Variants in MPDZ observed in about 807,000 individuals in gnomAD.
MPDZ encodes multiple PDZ domain protein.
A neutral mutation model predicts 239.1 loss-of-function variants in MPDZ; 234 were observed. The observed-to-expected ratio is 0.98, with a 90% CI of 0.88 to 1.09. MPDZ has a LOEUF of 1.09. Ranked by LOEUF, MPDZ falls within the 50% of genes least tolerant of loss-of-function variation. The pLI is 0.00. For synonymous variants in MPDZ, 1,048 were observed against 881.3 expected (o/e 1.19, Z -3.35); for missense variants, 3,175 against 2,510.0 (o/e 1.26, Z -5.66).
intron 39 of MPDZ, among the ~76,000 whole-genome samples, chr9:13,117,251 A>T (rs1943601230): frequency 6.6e-6 from 1 of 152,184 alleles, no homozygotes; most frequent in Admixed American, 6.5e-5. Flanking sequence ...CGACTACTGT[A>T]TATATTTTAT....
chr9:13,170,925 T>A (rs1951700811), intron 21 of MPDZ, among the ~76,000 whole-genome samples: 1 of 152,166 alleles, frequency 6.6e-6, no homozygotes, highest in Admixed American at 6.5e-5. Flanking sequence ...TTGTAACTTG[T>A]AAGATCTCTC....
At chr9:13,128,567 T>G (rs983738621) in intron 32 of MPDZ, among the ~76,000 whole-genome samples, 2 of 152,192 alleles carry the variant, frequency 1.3e-5, no homozygotes, top group African/African-American at 4.8e-5. Flanking sequence ...TGTGAGACCA[T>G]AAATGCCTGC....
rs926679514 is a variant in MPDZ, at chr9:13,118,624, T to TA, written c.5379+877dup. ...CTTCAGGTCATAAAACACACTAGGT[T>TA]AAAAAAACAAAACAAGGAGATAAGC... On this transcript the variant is annotated intron_variant, in intron 39 of 46. Transcript: ENST00000319217. 7.2e-5 allele frequency among the ~76,000 whole-genome samples: 11 copies of TA among 152,226 alleles called. No individual in the cohort carries two copies. In the South Asian group the frequency reaches 1.5e-3, roughly 20 times the overall value.
At chr9:13,138,793 G>T (rs950708072) in intron 28 of MPDZ, among the ~76,000 whole-genome samples, 9 of 152,162 alleles carry the variant, frequency 5.9e-5, no homozygotes, top group African/African-American at 2.2e-4. Flanking sequence ...GCCTCACGCA[G>T]GTGCTCCAGT....
chr9:13,167,544 T>C (rs911819641), intron 22 of MPDZ, among the ~76,000 whole-genome samples: 1 of 152,088 alleles, frequency 6.6e-6, no homozygotes, highest in East Asian at 1.9e-4. Flanking sequence ...AAAATAACAT[T>C]AATACAAAAA....
chr9:13,262,387 C>T (rs1303374873), intron 1 of MPDZ, among the ~76,000 whole-genome samples: 1 of 152,024 alleles, frequency 6.6e-6, no homozygotes, highest in Non-Finnish European at 1.5e-5. Flanking sequence ...GTGGTAGAGG[C>T]TGCAGTGACA....
At chr9:13,252,723 C>G (rs1016713026) in intron 1 of MPDZ, among the ~76,000 whole-genome samples, 6 of 152,034 alleles carry the variant, frequency 3.9e-5, no homozygotes, top group Non-Finnish European at 7.4e-5. Flanking sequence ...GTGCATGTGC[C>G]TGTCGTCCCA....
Position 13,186,253 on chromosome 9 carries a change from A to C in MPDZ, c.2481+17T>G. 1 of 1,443,576 alleles carries C rather than the reference A, an allele frequency of 6.9e-7. No individual in the cohort carries two copies. Among genetic ancestry groups the C allele is most frequent in the Non-Finnish European group, 9.3e-7 (1 of 1,072,604 alleles). 89.4% of individuals were successfully genotyped at this position (1,443,576 alleles called of 1,614,324 possible). ...TCAGGTTTCTGAAAGAAAGCTTGAT[A>C]AGTCATAGCCACTAACCAGAGCCAA... On this transcript the variant is annotated intron_variant, in intron 18 of 46. Transcript: ENST00000319217.
At chr9:13,275,382 C>CA (rs1973933008) in intron 1 of MPDZ, among the ~76,000 whole-genome samples, 1 of 152,190 alleles carries the variant, frequency 6.6e-6, no homozygotes. Flanking sequence ...CAGCCATCTA[C>CA]AAGCCAAAGA....
At chr9:13,133,461 CTTTATT>C (rs1376900024) in intron 32 of MPDZ, among the ~76,000 whole-genome samples, 4 of 152,244 alleles carry the variant, frequency 2.6e-5, no homozygotes, top group Non-Finnish European at 1.5e-5. Flanking sequence ...ACTTCTGTTT[CTTTATT>C]TTTATTTCCT....
intron 3 of MPDZ, among the ~76,000 whole-genome samples, chr9:13,238,123 G>C (rs1172492231): frequency 6.6e-6 from 1 of 152,180 alleles, no homozygotes; most frequent in Non-Finnish European, 1.5e-5. Context: ...CTAACAAAGA[G>C]CAGCCTGTGA....
chr9:13,205,374 C>T lies in MPDZ; in HGVS notation c.1475-267G>A, dbSNP rs150790161. Among the ~76,000 whole-genome samples, 25 of 152,214 alleles carry T rather than the reference C, an allele frequency of 1.6e-4. No individual in the cohort carries two copies. The East Asian group carries it at 3.9e-3, about 24-fold the overall frequency. On this transcript the variant is annotated intron_variant, in intron 11 of 46. Transcript: ENST00000319217. Reference sequence around the variant, plus strand: ...GTCAACAATTTTAGAAATGAAACAGCACTTTTCAGCGAAAAGCCTGATTTC... The same window carrying T: ...GTCAACAATTTTAGAAATGAAACAGTACTTTTCAGCGAAAAGCCTGATTTC...
At chr9:13,124,456 C>T (rs1460376042) in intron 35 of MPDZ, among the ~76,000 whole-genome samples, 1 of 152,170 alleles carries the variant, frequency 6.6e-6, no homozygotes, top group Non-Finnish European at 1.5e-5. Context: ...CCCCTCCACC[C>T]CCCGTTACAG....
In MPDZ at chr9:13,175,894, A is replaced by C. The variant is rs1237198713; in HGVS notation, c.2932-19T>G. The stretch of plus-strand genomic sequence containing the variant: ...CAGAGCCCTTTAAGAAAGAAAAAGA[A>C]GTCACAAGTCACATGGAAAGGGAAA... On this transcript the variant is annotated intron_variant, in intron 20 of 46. Transcript: ENST00000319217. 1.3e-6 allele frequency: 2 copies of C among 1,573,744 alleles called. No homozygotes were observed. Among genetic ancestry groups the C allele is most frequent in the Non-Finnish European group, 1.7e-6 (2 of 1,162,694 alleles).
intron 12 of MPDZ, among the ~76,000 whole-genome samples, chr9:13,197,176 T>TA (rs1955758741): frequency 4.7e-5 from 7 of 149,880 alleles, no homozygotes; most frequent in South Asian, 2.1e-4. Context: ...TATATATATA[T>TA]TTTTAGTTTG....
intron 14 of MPDZ, 141 bp downstream of exon 14, chr9:13,193,026 T>C: frequency 1.4e-6 from 1 of 700,736 alleles, no homozygotes; most frequent in Non-Finnish European, 2.0e-6. Flanking sequence ...ATTTCTGCTT[T>C]GGGTTGTTTT....
chr9:13,169,440 C>A (rs1951506545), intron 21 of MPDZ, among the ~76,000 whole-genome samples: 1 of 152,054 alleles, frequency 6.6e-6, no homozygotes, highest in African/African-American at 2.4e-5. Context: ...TCTCTCTTAT[C>A]CCCTATATTT....
Position 13,247,672 on chromosome 9 carries a change from A to G in MPDZ, c.146T>C (p.Leu49Pro). ...VLQSPLFSQI[L>P]SLQTSVQQLK... ...CTGCTGTACAGAAGTCTGAAGGCTC[A>G]GAATCTGACTGAAGAGAGGGCTCTG... Residue 49 changes from leucine to proline, a missense_variant, in exon 3 of 47, where the codon CTG becomes CCG. Transcript: ENST00000319217. 1 of 1,613,520 alleles carries G rather than the reference A, an allele frequency of 6.2e-7. No individual in the cohort carries two copies. The highest frequency in any genetic ancestry group is 2.2e-5 in the East Asian group (1 of 44,844).
intron 21 of MPDZ, among the ~76,000 whole-genome samples, chr9:13,171,199 A>C (rs560068576): frequency 2.6e-5 from 4 of 152,312 alleles, no homozygotes; most frequent in African/African-American, 9.6e-5. Context: ...AGTGTACGAC[A>C]AAATTTAGTC....
Sources: gnomAD v4.1 joint callset for allele counts (sites outside exome capture counted in the v4.1 genomes callset) on GRCh38, gnomAD v4.1.1 for gene constraint, MANE v1.5 for transcripts, NCBI Gene and HGNC (gene_info 2026-07-23, HGNC 2026-07-21) for gene names.